Variants in THEM6 observed in about 807,000 individuals in gnomAD.
THEM6 encodes thioesterase superfamily member 6.
In THEM6, 10 loss-of-function variants were observed where a neutral mutation model predicts 13.7. That is an observed-to-expected ratio of 0.73 (90% CI 0.45 to 1.24). THEM6 has a LOEUF of 1.24. Among genes scored for constraint, THEM6 ranks in the 50% most tolerant of loss-of-function variants. THEM6 has a pLI of 0.00. For synonymous variants in THEM6, 161 were observed against 156.0 expected, an observed-to-expected ratio of 1.03 and a Z score of -0.24; for missense variants, 317 against 312.6, an observed-to-expected ratio of 1.01 and a Z score of -0.11.
rs782575321 is a variant in THEM6, at chr8:142,727,517, G to C, written c.171G>C (p.Ser57=). Residue 57 remains serine, a synonymous_variant, in exon 1 of 2, where the codon TCG becomes TCC. Transcript: ENST00000336138. ...GCTTCCCGGGCCGCGTGCTGCCCTC[G>C]GACTTGGACCTGCTGCTGCACATGA... ...EQRFPGRVLP[S]DLDLLLHMNN... The C allele has an allele frequency of 5.6e-5, 89 of 1,579,350 alleles. No individual in the cohort carries two copies. In the South Asian group the frequency reaches 1.0e-3, roughly 18 times the overall value.
rs781857701 is a variant in THEM6, at chr8:142,727,471, G to C, written c.125G>C (p.Arg42Pro). 51 of 1,572,562 alleles carry C rather than the reference G, an allele frequency of 3.2e-5. No homozygotes were observed. The highest frequency in any genetic ancestry group is 3.4e-4 in the Middle Eastern group (2 of 5,958). ...LRARLLQPRV[R>P]DLLAEQRFPG... Reference sequence around the variant, plus strand: ...GCGCGCCTGCTGCAGCCGCGCGTCCGTGACCTGCTAGCTGAGCAGCGCTTC... The same window carrying C: ...GCGCGCCTGCTGCAGCCGCGCGTCCCTGACCTGCTAGCTGAGCAGCGCTTC... The change falls in exon 1 of 2, where the codon CGT becomes CCT. Residue 42 changes from arginine (R) to proline (P), a missense_variant. Transcript: ENST00000336138.
At chr8:142,729,359 A>C (rs1815596091) in intron 1 of THEM6, among the ~76,000 whole-genome samples, 1 of 152,234 alleles carries the variant, frequency 6.6e-6, no homozygotes, top group Non-Finnish European at 1.5e-5. Flanking sequence ...TTGCCATGAG[A>C]GTACACCGAA....
At chr8:142,732,077 C>T (rs1815656712) in intron 1 of THEM6, among the ~76,000 whole-genome samples, 2 of 148,798 alleles carry the variant, frequency 1.3e-5, no homozygotes, top group African/African-American at 5.0e-5. Context: ...CCCCCCTCTC[C>T]TTCCCCTTCC....
chr8:142,731,470 T>G (rs1815645356), intron 1 of THEM6, among the ~76,000 whole-genome samples: 1 of 152,230 alleles, frequency 6.6e-6, no homozygotes, highest in South Asian at 2.1e-4. Flanking sequence ...TATACACTAT[T>G]TCTTGCATAA....
chr8:142,728,010 C>T (rs959021583), intron 1 of THEM6, 151 bp downstream of exon 1: 2 of 886,094 alleles, frequency 2.3e-6, no homozygotes, highest in Non-Finnish European at 3.1e-6. Context: ...GCTCCCGCCC[C>T]TCCCTCTCTA....
Position 142,727,772 on chromosome 8 carries a change from C to A in THEM6, c.426C>A (p.Asp142Glu), listed in dbSNP as rs1554642528. ...AGGCGCGCTTTGTCAGCCTGCGGGA[C>A]GGCTTCGTGTGCGCGCTGCTGCGCT... ...YLEARFVSLR[D>E]GFVCALLRFR... Residue 142 changes from aspartate (D) to glutamate (E), a missense_variant, in exon 1 of 2, where the codon GAC (aspartate) becomes GAA (glutamate). By Grantham distance (45) the Asp-to-Glu change is conservative. Coordinates refer to ENST00000336138, the MANE Select transcript of THEM6 (RefSeq NM_016647.3). 1 of 1,463,314 alleles carries A rather than the reference C, an allele frequency of 6.8e-7. No individual in the cohort carries two copies. 90.6% of individuals were successfully genotyped at this position (1,463,314 alleles called of 1,614,324 possible).
intron 1 of THEM6, among the ~76,000 whole-genome samples, chr8:142,729,484 G>A (rs1236228390): frequency 2.0e-5 from 3 of 152,162 alleles, no homozygotes; most frequent in Admixed American, 1.3e-4. Flanking sequence ...CTCTCTCGAT[G>A]GCTAAGGTCT....
In THEM6 at chr8:142,727,304, G is replaced by A. The variant is rs1032388433; in HGVS notation, c.-43G>A. The A allele has an allele frequency of 1.4e-6, 2 of 1,433,380 alleles. No homozygotes were observed. The highest frequency in any genetic ancestry group is 1.5e-5 in the African/African-American group (1 of 66,324). 88.8% of individuals were successfully genotyped at this position (1,433,380 alleles called of 1,614,324 possible). On this transcript the variant is annotated 5_prime_UTR_variant, in exon 1 of 2. Transcript: ENST00000336138. ...AACCAGCGCCGCGGACACCGGCACC[G>A]GCGCCACGGACTCCGCAGGACCCCG...
intron 1 of THEM6, 111 bp downstream of exon 1, chr8:142,727,970 TC>T: frequency 8.1e-7 from 1 of 1,234,468 alleles, no homozygotes; most frequent in Non-Finnish European, 1.1e-6. Context: ...TGCACCTCTT[TC>T]GGATACTGCT....
In THEM6 at chr8:142,727,361, G is replaced by T. The variant is rs782636432; in HGVS notation, c.15G>T (p.Leu5=). The change falls in exon 1 of 2, where the codon CTG becomes CTT. Residue 5 remains leucine, a synonymous_variant. Transcript: ENST00000336138. ...CCGCCGCCGCTATGCTGGGGCTGCT[G>T]GTGGCGTTGCTGGCCCTGGGGCTCG... MLGL[L]VALLALGLAV... is the part of the protein sequence containing the mutation. 1.3e-6 allele frequency: 2 copies of T among 1,519,418 alleles called. No individual in the cohort carries two copies. Among genetic ancestry groups the T allele is most frequent in the African/African-American group, 1.4e-5 (1 of 69,832 alleles). 94.1% of individuals were successfully genotyped at this position (1,519,418 alleles called of 1,614,324 possible). A position where few individuals can be genotyped will look rare whatever the true frequency, so the allele number is the denominator to read the frequency against.
Position 142,735,797 on chromosome 8 carries a change from C to T in THEM6, c.*358C>T, listed in dbSNP as rs1815748622. ...AGTGCCTCCCGAGCCTAGATCCTGGCTCGGACCACTGCAAGGGCCGAGGCA... is the reference window on the plus strand; with the variant it reads ...AGTGCCTCCCGAGCCTAGATCCTGGTTCGGACCACTGCAAGGGCCGAGGCA... On this transcript the variant is annotated 3_prime_UTR_variant, in exon 2 of 2. Coordinates refer to ENST00000336138, the MANE Select transcript of THEM6 (RefSeq NM_016647.3). The T allele has an allele frequency of 3.8e-6, 1 of 264,386 alleles. No individual in the cohort carries two copies. Among genetic ancestry groups the T allele is most frequent in the Non-Finnish European group, 7.6e-6 (1 of 131,650 alleles). 16.4% of individuals were successfully genotyped at this position (264,386 alleles called of 1,614,324 possible). A position where few individuals can be genotyped will look rare whatever the true frequency, so the allele number is the denominator to read the frequency against.
intron 1 of THEM6, among the ~76,000 whole-genome samples, chr8:142,729,849 G>T (rs1175342032): frequency 1.3e-5 from 2 of 152,344 alleles, no homozygotes; most frequent in East Asian, 3.9e-4. Context: ...AGTTGAATGT[G>T]TATAGTCCCG....
At position 142,735,540 on chromosome 8, in the gene THEM6, C is replaced by T. The variant is rs778658551; in HGVS notation, c.*101C>T. 7.8e-6 allele frequency: 7 copies of T among 901,636 alleles called. No homozygotes were observed. Among genetic ancestry groups the T allele is most frequent in the Non-Finnish European group, 1.2e-5 (7 of 573,866 alleles). 55.9% of individuals were successfully genotyped at this position (901,636 alleles called of 1,614,324 possible). ...TACTCTGTTCCAGCTGGAGTAGCCT[C>T]CTGACCAGCCTGGCCCACCCTGCTC... On this transcript the variant is annotated 3_prime_UTR_variant, in exon 2 of 2. Coordinates refer to ENST00000336138, the MANE Select transcript of THEM6 (RefSeq NM_016647.3).
rs782773123 is a variant in THEM6 at position 142,727,592 on chromosome 8, G to C, written c.246G>C (p.Leu82=). ...CCGACTTTGCGCGCGTCGCGCACCT[G>C]ACCCGCTGCGGGGTGCTCGGGGCGC... ...READFARVAH[L]TRCGVLGALR... is the part of the protein sequence containing the mutation. Residue 82 remains leucine, a synonymous_variant, in exon 1 of 2, where the codon CTG becomes CTC. Transcript: ENST00000336138. 2 of 1,520,278 alleles carry C rather than the reference G, an allele frequency of 1.3e-6. No homozygotes were observed. Among genetic ancestry groups the C allele is most frequent in the Non-Finnish European group, 1.8e-6 (2 of 1,141,480 alleles). The allele number at this position is 1,520,278 out of a possible 1,614,324, so 94.2% of individuals were successfully genotyped here.
Position 142,735,596 on chromosome 8 carries a change from C to T in THEM6, c.*157C>T, listed in dbSNP as rs1022131729. 6.0e-5 allele frequency: 38 copies of T among 631,264 alleles called. No homozygotes were observed. The highest frequency in any genetic ancestry group is 9.8e-5 in the Non-Finnish European group (34 of 348,406). 39.1% of individuals were successfully genotyped at this position (631,264 alleles called of 1,614,324 possible). On this transcript the variant is annotated 3_prime_UTR_variant, in exon 2 of 2. Coordinates refer to ENST00000336138, the MANE Select transcript of THEM6 (RefSeq NM_016647.3). ...ACTGGGCCCCCCCAGTTATTGATAC[C>T]CCTCTGTGCTGGGCTCCACGCTAGG...
Position 142,727,227 on chromosome 8 carries a change from C to T in THEM6, c.-120C>T, listed in dbSNP as rs587605281. On this transcript the variant is annotated 5_prime_UTR_variant, in exon 1 of 2. Coordinates refer to ENST00000336138, the MANE Select transcript of THEM6 (RefSeq NM_016647.3). ...CCTCGGCCGCCCTCGCGCTGTGGTT[C>T]GCTCCGGGCGCGCTGCGCTCGTGAG... The T allele has an allele frequency of 2.8e-6, 3 of 1,082,440 alleles. No homozygotes were observed. Among genetic ancestry groups the T allele is most frequent in the South Asian group, 2.1e-5 (1 of 47,288 alleles). 67.1% of individuals were successfully genotyped at this position (1,082,440 alleles called of 1,614,324 possible).
chr8:142,733,926 G>A (rs587609860), intron 1 of THEM6, among the ~76,000 whole-genome samples: 7 of 152,338 alleles, frequency 4.6e-5, no homozygotes, highest in Non-Finnish European at 8.8e-5. Flanking sequence ...GCAGTTGGTT[G>A]AAAGAGCTAT....
chr8:142,735,083 G>C, intron 1 of THEM6: 1 of 486,948 alleles, frequency 2.1e-6, no homozygotes. Context: ...CCAACTTCAC[G>C]GGTTTCTGGC....
chr8:142,729,256 G>A (rs1207409866), intron 1 of THEM6, among the ~76,000 whole-genome samples: 2 of 152,016 alleles, frequency 1.3e-5, no homozygotes, highest in Non-Finnish European at 2.9e-5. Context: ...CTTGTTCCCC[G>A]GTGCCGTAAA....
Sources: allele counts gnomAD v4.1 joint callset (sites outside exome capture counted in the v4.1 genomes callset), GRCh38; gene constraint gnomAD v4.1.1; transcripts MANE v1.5; gene names NCBI Gene and HGNC (gene_info 2026-07-23, HGNC 2026-07-21).